ROS1: variants seen among roughly 807,000 people sequenced by gnomAD.
ROS1 encodes the protein ROS proto-oncogene 1, receptor tyrosine kinase, also known as proto-oncogene tyrosine-protein kinase ROS.
In ROS1, 263 loss-of-function variants were observed where a neutral mutation model predicts 273.5. The ratio of observed to expected loss-of-function variants is 0.96; its 90% CI spans 0.87 to 1.06. The LOEUF is 1.06. ROS1 is among the 50% of genes least tolerant of loss of function. The probability of loss-of-function intolerance (pLI) is 0.00; values close to 1 mark genes in which losing one functional copy is unlikely to be tolerated. For missense variants in ROS1, 2,833 were observed against 2,751.1 expected (o/e 1.03, Z -0.67); for synonymous variants, 1,008 against 954.1 (o/e 1.06, Z -1.04).
chr6:117,421,498 A>G (rs892273180), intron 1 of ROS1, among the ~76,000 whole-genome samples: 3 of 152,072 alleles, frequency 2.0e-5, no homozygotes, highest in African/African-American at 7.2e-5. Flanking sequence ...CTTATAAGTG[A>G]GAACATACGG....
Position 117,412,468 on chromosome 6 carries a change from T to A in ROS1, c.255+2051A>T, listed in dbSNP as rs72967493. ...TTTCACTGAGCTATCACTTTCAAGATTATTCTTTCCAAGAAATAAGAATTG... is the reference window on the plus strand; with the variant it reads ...TTTCACTGAGCTATCACTTTCAAGAATATTCTTTCCAAGAAATAAGAATTG... On this transcript the variant is annotated intron_variant, in intron 4 of 43. Coordinates refer to ENST00000368507, the MANE Select transcript of ROS1 (RefSeq NM_001378902.1). Among the ~76,000 whole-genome samples, 850 of 152,286 alleles carry A rather than the reference T, an allele frequency of 5.6e-3. 6 individuals carry two copies. Among genetic ancestry groups the A allele is most frequent in the Middle Eastern group, 0.031 (9 of 294 alleles).
At chr6:117,298,403 T>C (rs1051627463) in intron 43 of ROS1, among the ~76,000 whole-genome samples, 1 of 152,154 alleles carries the variant, frequency 6.6e-6, no homozygotes, top group Admixed American at 6.5e-5. Flanking sequence ...CAAAACCATG[T>C]TTTGCCTGTC....
At chr6:117,337,405 T>A in intron 31 of ROS1, 65 bp from the exon 32 acceptor site, 1 of 1,265,572 alleles carries the variant, frequency 7.9e-7, no homozygotes, top group Non-Finnish European at 1.1e-6. Context: ...AACACAAAAA[T>A]GTATAGGCTT....
At chr6:117,397,458 A>G (rs543605283) in intron 7 of ROS1, among the ~76,000 whole-genome samples, 2 of 152,198 alleles carry the variant, frequency 1.3e-5, no homozygotes, top group Non-Finnish European at 2.9e-5. Flanking sequence ...CAGTTTAGGA[A>G]GAAGAGGAGA....
intron 18 of ROS1, among the ~76,000 whole-genome samples, chr6:117,375,819 G>A (rs1781288573): frequency 6.6e-6 from 1 of 151,904 alleles, no homozygotes; most frequent in Non-Finnish European, 1.5e-5. Context: ...TAAATATAAA[G>A]CACCCAAATA....
intron 18 of ROS1, among the ~76,000 whole-genome samples, chr6:117,371,589 G>A (rs916062796): frequency 6.6e-6 from 1 of 152,160 alleles, no homozygotes; most frequent in South Asian, 2.1e-4. Flanking sequence ...GGGAAAGGGG[G>A]CAAATAGGGA....
chr6:117,425,354 A>G (rs1562400393), intron 1 of ROS1, among the ~76,000 whole-genome samples, 180 bp downstream of exon 1: 2 of 152,216 alleles, frequency 1.3e-5, no homozygotes, highest in Non-Finnish European at 2.9e-5. Flanking sequence ...AGCCTGCTTT[A>G]TCTTCTGCAA....
chr6:117,409,908 C>G (rs1050776515), intron 4 of ROS1, among the ~76,000 whole-genome samples: 2 of 152,128 alleles, frequency 1.3e-5, no homozygotes, highest in Admixed American at 6.5e-5. Flanking sequence ...AACAAAACAA[C>G]TTAGTACACA....
chr6:117,292,549 C>A (rs532580757), intron 43 of ROS1, among the ~76,000 whole-genome samples: 65 of 152,260 alleles, frequency 4.3e-4, no homozygotes, highest in Non-Finnish European at 7.6e-4. Flanking sequence ...TGGGTTCCAC[C>A]CACTTGTCAC....
chr6:117,310,036 GTT>G lies in ROS1; in HGVS notation c.6416+43_6416+44del, dbSNP rs200866803. ...ATGTCCTTTTAAAATCCCCTCTAAT[GTT>G]TGATGATTCTGTCAGCATTACTCTG... On this transcript the variant is annotated intron_variant, in intron 41 of 43. Coordinates refer to ENST00000368507, the MANE Select transcript of ROS1 (RefSeq NM_001378902.1). 1.1e-3 allele frequency: 1,637 copies of G among 1,509,596 alleles called. 13 individuals are homozygous for G. In the African/African-American group the frequency reaches 0.02, roughly 19 times the overall value. 93.5% of individuals were successfully genotyped at this position (1,509,596 alleles called of 1,614,324 possible).
intron 14 of ROS1, 40 bp downstream of exon 14, chr6:117,387,740 T>A: frequency 6.3e-7 from 1 of 1,585,498 alleles, no homozygotes. Context: ...TAGTCCTCTT[T>A]TTGTGAGAGT....
At chr6:117,298,836 C>T (rs1774452213) in intron 43 of ROS1, among the ~76,000 whole-genome samples, 1 of 152,080 alleles carries the variant, frequency 6.6e-6, no homozygotes, top group African/African-American at 2.4e-5. Flanking sequence ...TATGCCTTGC[C>T]CCCAGATCAG....
Position 117,424,858 on chromosome 6 carries a change from A to T in ROS1, c.123+676T>A, listed in dbSNP as rs564034032. ...ATCATGATATTTTATTTGTCTTTAG[A>T]CAGGAAGAGTGCATTTTCTCTGTCT... On this transcript the variant is annotated intron_variant, in intron 1 of 43. Coordinates refer to ENST00000368507, the MANE Select transcript of ROS1 (RefSeq NM_001378902.1). Among the ~76,000 whole-genome samples the T allele has an allele frequency of 1.7e-3, 261 of 152,324 alleles. 1 individual carries two copies. The highest frequency in any genetic ancestry group is 6.1e-3 in the African/African-American group (255 of 41,594).
rs1780207203 is a variant in ROS1 at position 117,366,143 on chromosome 6, G to T, written c.2730C>A (p.Val910=). Residue 910 remains valine (V), a synonymous_variant, in exon 19 of 44, where the codon GTC becomes GTA. Transcript: ENST00000368507. ...TAAATCTGGCTGGTTCCAAAACAGA[G>T]ACACTGGTTTTCTGACCTATTTCTT... The part of the protein sequence containing the change: ...TTQEIGQKTS[V]SVLEPARFNQ... The T allele has an allele frequency of 6.2e-7, 1 of 1,614,018 alleles. No individual in the cohort carries two copies. The highest frequency in any genetic ancestry group is 1.3e-5 in the African/African-American group (1 of 74,922).
rs3839368 is a variant in ROS1, at chr6:117,411,219, A to ATC, written c.256-1579_256-1578dup. On this transcript the variant is annotated intron_variant, in intron 4 of 43. Transcript: ENST00000368507. ...CTAACAACTACGTTTCCTTCTCTCA[A>ATC]TCTCTCTCTCTCTCTCTCTCTCTTT... Among the ~76,000 whole-genome samples the ATC allele has an allele frequency of 2.7e-3, 363 of 133,738 alleles. 3 individuals are homozygous for ATC. The highest frequency in any genetic ancestry group is 7.8e-3 in the African/African-American group (276 of 35,462). The allele number at this position is 133,738 out of a possible 152,430, so 87.7% of individuals were successfully genotyped here. A position where few individuals can be genotyped will look rare whatever the true frequency, so the allele number is the denominator to read the frequency against.
rs779372215 is a variant in ROS1 at position 117,359,910 on chromosome 6, CTCTT to C, written c.3528_3531del (p.Arg1177LeufsTer60). 5.0e-6 allele frequency: 8 copies of C among 1,613,872 alleles called. No individual in the cohort carries two copies. The South Asian group carries it at 7.7e-5, about 16-fold the overall frequency. On this transcript the variant is annotated frameshift_variant, in exon 24 of 44. Coordinates refer to ENST00000368507, the MANE Select transcript of ROS1 (RefSeq NM_001378902.1). LOFTEE classifies it high-confidence loss of function. ...GCTGTGTAGCAAACGGCACTGATAA[CTCTT>C]TCTGCTGAAAACGTCCACACAACTT...
At position 117,385,835 on chromosome 6, in the gene ROS1, A is replaced by G; in HGVS notation, c.2137T>C (p.Tyr713His). 6.2e-7 allele frequency: 1 copy of G among 1,614,218 alleles called. No homozygotes were observed. The highest frequency in any genetic ancestry group is 8.5e-7 in the Non-Finnish European group (1 of 1,180,028). Reference protein sequence around the residue: ...SDMDWYNNSLYYSDTKGDVFV... With the variant: ...SDMDWYNNSLHYSDTKGDVFV... ...ACGTCGCCTTTCGTGTCACTGTAGT[A>G]GAGGCTGTTGTTATACCAATCCATG... is the stretch of plus-strand genomic sequence containing the variant. Residue 713 changes from tyrosine (Y) to histidine (H), a missense_variant, in exon 16 of 44, where the codon TAC becomes CAC. Coordinates refer to ENST00000368507, the MANE Select transcript of ROS1 (RefSeq NM_001378902.1).
rs779784826 is a variant in ROS1 at position 117,288,640 on chromosome 6, GAT to G, written c.6876_6877del (p.Glu2292AspfsTer32). The stretch of plus-strand genomic sequence containing the variant: ...CTTCTCTTCTTTCCTCAGACCACAA[GAT>G]TCAGATTCCTGGGAGCCTAGAGGAC... On this transcript the variant is annotated frameshift_variant, in exon 44 of 44. Transcript: ENST00000368507. LOFTEE classifies it high-confidence loss of function. The G allele has an allele frequency of 6.2e-7, 1 of 1,614,102 alleles. No individual in the cohort carries two copies. The highest frequency in any genetic ancestry group is 1.7e-5 in the Admixed American group (1 of 60,008).
rs17079086 is a variant in ROS1, at chr6:117,352,995, A to G, written c.4298T>C (p.Phe1433Ser). Residue 1433 changes from phenylalanine (F) to serine (S), a missense_variant, in exon 27 of 44, where the codon TTT becomes TCT. Phe to Ser is a radical substitution (Grantham distance 155). Transcript: ENST00000368507. The part of the protein sequence containing the change: ...ILAYSSVMQP[F>S]PDKAFLSLAS... ...TACGAATGTGACTTTATTACCTGGA[A>G]AAGGCTGCATAACTGAACTGTAAGC... 6.9e-4 allele frequency: 1,117 copies of G among 1,610,786 alleles called. 8 individuals are homozygous for G. In the African/African-American group the frequency reaches 0.013, roughly 19 times the overall value.
Sources: allele counts gnomAD v4.1 joint callset (sites outside exome capture counted in the v4.1 genomes callset), GRCh38; gene constraint gnomAD v4.1.1; transcripts MANE v1.5; gene names NCBI Gene and HGNC (gene_info 2026-07-23, HGNC 2026-07-21).